ADGRA1: variants seen among roughly 807,000 people sequenced by gnomAD.
ADGRA1 encodes the protein G-protein coupled receptor 123.
In ADGRA1, 12 loss-of-function variants were observed where a neutral mutation model predicts 21.3. That is an observed-to-expected ratio of 0.56 (90% CI 0.36 to 0.91). ADGRA1 has a LOEUF of 0.91. Ranked by LOEUF, ADGRA1 falls within the 40% of genes least tolerant of loss-of-function variation. The probability of loss-of-function intolerance (pLI) is 0.01; values close to 1 mark genes in which losing one functional copy is unlikely to be tolerated. For missense variants in ADGRA1, 790 were observed against 805.6 expected, an observed-to-expected ratio of 0.98 and a Z score of 0.23; for synonymous variants, 385 against 368.8, an observed-to-expected ratio of 1.04 and a Z score of -0.50.
chr10:133,104,462 C>T (rs1266358698), intron 5 of ADGRA1, among the ~76,000 whole-genome samples: 2 of 152,216 alleles, frequency 1.3e-5, no homozygotes, highest in Admixed American at 6.5e-5. Context: ...GCCGCAGAGC[C>T]GTGCGTCTGT....
intron 5 of ADGRA1, among the ~76,000 whole-genome samples, chr10:133,109,122 C>T (rs1851943500): frequency 6.6e-6 from 1 of 152,048 alleles, no homozygotes; most frequent in Non-Finnish European, 1.5e-5. Flanking sequence ...CAGCTCCACC[C>T]CCACAATGTC....
intron 5 of ADGRA1, among the ~76,000 whole-genome samples, chr10:133,119,466 C>T: frequency 6.6e-6 from 1 of 152,204 alleles, no homozygotes; most frequent in East Asian, 1.9e-4. Flanking sequence ...TTCTCTGTAG[C>T]ACGTGGTGCT....
At position 133,095,707 on chromosome 10, in the gene ADGRA1, G is replaced by A. The variant is rs754050743; in HGVS notation, c.4-1267G>A. ...GCCAGCCAGGGCCTCGTCTTGGCTGGACGGACAAGAAGTGTGGCCTCAGGA... is the reference window on the plus strand; with the variant it reads ...GCCAGCCAGGGCCTCGTCTTGGCTGAACGGACAAGAAGTGTGGCCTCAGGA... On this transcript the variant is annotated intron_variant, in intron 2 of 6. Transcript: ENST00000392607. The A allele has an allele frequency of 2.5e-6, 4 of 1,597,994 alleles. No homozygotes were observed. In the East Asian group the frequency reaches 6.7e-5, roughly 27 times the overall value.
intron 6 of ADGRA1, 119 bp from the exon 7 acceptor site, chr10:133,128,210 C>A: frequency 2.9e-6 from 2 of 696,264 alleles, no homozygotes; most frequent in Non-Finnish European, 4.5e-6. Flanking sequence ...GGCCCCCAAG[C>A]CGCAGCTGTG....
intron 5 of ADGRA1, 151 bp from the exon 6 acceptor site, chr10:133,127,082 G>T (rs1221083724): frequency 2.1e-6 from 1 of 468,472 alleles, no homozygotes. Context: ...GTGGTCGGGG[G>T]TCGGGGGTCG....
At chr10:133,112,184 C>A (rs1852044296) in intron 5 of ADGRA1, among the ~76,000 whole-genome samples, 1 of 152,242 alleles carries the variant, frequency 6.6e-6, no homozygotes, top group East Asian at 1.9e-4. Flanking sequence ...ACAAGCAGAC[C>A]TTTTGTGATT....
At chr10:133,102,362 C>G (rs1399863682) in intron 4 of ADGRA1, 1 of 521,760 alleles carries the variant, frequency 1.9e-6, no homozygotes, top group Non-Finnish European at 3.8e-6. Flanking sequence ...GGACGTTGGT[C>G]TGCAGCTCAC....
chr10:133,111,884 CCACCACAGACACCTCCCTCCTA>C (rs1852024248), intron 5 of ADGRA1, among the ~76,000 whole-genome samples: 1 of 123,630 alleles, frequency 8.1e-6, no homozygotes, highest in African/African-American at 3.0e-5. Context: ...GACCACCTGC[CCACCACAGACACCTCCCTCCTA>C]ATGCCTCCAG....
intron 6 of ADGRA1, 147 bp downstream of exon 6, chr10:133,127,478 C>G (rs1052000686): frequency 6.3e-6 from 4 of 634,824 alleles, no homozygotes; most frequent in East Asian, 3.1e-5. Flanking sequence ...CTGCGCCCCT[C>G]CCAGCTCGCA....
intron 2 of ADGRA1, 32 bp from the exon 3 acceptor site, chr10:133,096,942 A>G: frequency 3.8e-6 from 6 of 1,591,418 alleles, no homozygotes; most frequent in Non-Finnish European, 4.3e-6. Flanking sequence ...CCCACCAGCC[A>G]GTCACACACG....
At chr10:133,127,657 C>T (rs540382700) in intron 6 of ADGRA1, among the ~76,000 whole-genome samples, 1 of 152,086 alleles carries the variant, frequency 6.6e-6, no homozygotes, top group Non-Finnish European at 1.5e-5. Flanking sequence ...CGAGTAGGAA[C>T]GGCGGTCCAG....
chr10:133,113,224 G>A (rs1222555360), intron 5 of ADGRA1, among the ~76,000 whole-genome samples: 11 of 151,952 alleles, frequency 7.2e-5, no homozygotes, highest in South Asian at 2.1e-4. Flanking sequence ...TCTGCGGGCC[G>A]CGTCAGTTAT....
chr10:133,095,838 G>A (rs1279642268), intron 2 of ADGRA1: 33 of 1,559,030 alleles, frequency 2.1e-5, no homozygotes, highest in Middle Eastern at 1.7e-4. Context: ...TCCACTTCCC[G>A]CCTCACTCAG....
At chr10:133,109,762 A>C (rs1851953828) in intron 5 of ADGRA1, among the ~76,000 whole-genome samples, 1 of 152,224 alleles carries the variant, frequency 6.6e-6, no homozygotes, top group Non-Finnish European at 1.5e-5. Context: ...CCAGAAAGAG[A>C]CAAACGGCAG....
intron 5 of ADGRA1, among the ~76,000 whole-genome samples, chr10:133,123,880 C>A (rs554993798): frequency 1.3e-5 from 2 of 152,298 alleles, no homozygotes; most frequent in East Asian, 3.9e-4. Flanking sequence ...CAACCCAGGG[C>A]AGTCTCCACC....
chr10:133,127,456 G>T, intron 6 of ADGRA1, 125 bp downstream of exon 6: 2 of 729,158 alleles, frequency 2.7e-6, no homozygotes, highest in Admixed American at 3.2e-5. Context: ...TGGACCTGGG[G>T]CTTGCCGAGA....
chr10:133,111,634 A>G (rs867544469), intron 5 of ADGRA1, among the ~76,000 whole-genome samples: 1 of 7,138 alleles, frequency 1.4e-4, no homozygotes, highest in Non-Finnish European at 2.1e-4. Context: ...CAACCTGCCC[A>G]CCACGGACAC....
intron 5 of ADGRA1, among the ~76,000 whole-genome samples, chr10:133,125,682 G>GC (rs1375465939): frequency 6.6e-6 from 1 of 152,078 alleles, no homozygotes; most frequent in Non-Finnish European, 1.5e-5. Context: ...GCCCACCTCA[G>GC]CCTCTCAAAG....
At chr10:133,119,449 A>G (rs755462540) in intron 5 of ADGRA1, among the ~76,000 whole-genome samples, 2 of 152,206 alleles carry the variant, frequency 1.3e-5, no homozygotes, top group Non-Finnish European at 2.9e-5. Flanking sequence ...TTCTTTTCAC[A>G]AAAGAGTTCT....
Sources: gnomAD v4.1 joint callset for allele counts (sites outside exome capture counted in the v4.1 genomes callset) on GRCh38, gnomAD v4.1.1 for gene constraint, MANE v1.5 for transcripts, NCBI Gene and HGNC (gene_info 2026-07-23, HGNC 2026-07-21) for gene names.